CSMD3: variants seen among roughly 807,000 people sequenced by gnomAD.
The protein encoded by CSMD3 is CUB and Sushi multiple domains 3.
Under a neutral mutation model 435.2 loss-of-function variants are expected in CSMD3, and 177 were observed. That is an observed-to-expected ratio of 0.41 (90% CI 0.36 to 0.46). The LOEUF (loss-of-function observed/expected upper bound fraction) is 0.46, where lower values mean the gene tolerates loss of function less well. Ranked by LOEUF, CSMD3 falls within the 20% of genes least tolerant of loss-of-function variation. The pLI is 0.34. For missense variants in CSMD3, 4,265 were observed against 4,504.6 expected, an observed-to-expected ratio of 0.95 and a Z score of 1.52; for synonymous variants, 1,656 against 1,520.5, an observed-to-expected ratio of 1.09 and a Z score of -2.07.
chr8:112,437,246 T>C (rs1268031812), intron 32 of CSMD3, among the ~76,000 whole-genome samples: 1 of 140,414 alleles, frequency 7.1e-6, no homozygotes, highest in African/African-American at 2.8e-5. Flanking sequence ...GGTTTAATTA[T>C]TTCCAACATG....
At chr8:112,921,898 G>C in intron 9 of CSMD3, 147 bp from the exon 10 acceptor site, 1 of 673,776 alleles carries the variant, frequency 1.5e-6, no homozygotes, top group Non-Finnish European at 2.6e-6. Context: ...AGTATGACTT[G>C]TAGAAATGTA....
At chr8:112,230,512 G>T (rs1812986208) in intron 69 of CSMD3, among the ~76,000 whole-genome samples, 1 of 152,076 alleles carries the variant, frequency 6.6e-6, no homozygotes, top group African/African-American at 2.4e-5. Flanking sequence ...TTTTTGGCTG[G>T]GCATGGTGGC....
chr8:112,265,513 A>G lies in CSMD3; in HGVS notation c.9586T>C (p.Ser3196Pro). 2 of 1,613,642 alleles carry G rather than the reference A, an allele frequency of 1.2e-6. No homozygotes were observed. The highest frequency in any genetic ancestry group is 2.2e-5 in the South Asian group (2 of 91,074). Reference sequence around the variant, plus strand: ...GTGTAGCCTGGCTGGCACATGTAAGAAACATTTTGTCCAACCACATAATCA... The same window carrying G: ...GTGTAGCCTGGCTGGCACATGTAAGGAACATTTTGTCCAACCACATAATCA... Reference protein sequence around the residue: ...GDDYVVGQNVSYMCQPGYTME... With the variant: ...GDDYVVGQNVPYMCQPGYTME... The change falls in exon 60 of 71, where the codon TCT becomes CCT. Residue 3196 changes from serine (S) to proline (P), a missense_variant. Ser to Pro is a moderately conservative substitution (Grantham distance 74, BLOSUM62 -1). Coordinates refer to ENST00000297405, the MANE Select transcript of CSMD3 (RefSeq NM_198123.2).
At chr8:112,582,521 T>A (rs1830405651) in intron 23 of CSMD3, among the ~76,000 whole-genome samples, 1 of 151,830 alleles carries the variant, frequency 6.6e-6, no homozygotes, top group African/African-American at 2.4e-5. Flanking sequence ...GGAGAAAATG[T>A]CAGGCACAGT....
intron 4 of CSMD3, among the ~76,000 whole-genome samples, chr8:113,114,386 A>T (rs750930982): frequency 9.2e-5 from 14 of 152,176 alleles, no homozygotes; most frequent in Non-Finnish European, 1.3e-4. Context: ...AAGAGGGAAA[A>T]TTTACTGTTA....
At chr8:112,807,007 C>T (rs2079104398) in intron 12 of CSMD3, among the ~76,000 whole-genome samples, 1 of 152,186 alleles carries the variant, frequency 6.6e-6, no homozygotes, top group African/African-American at 2.4e-5. Context: ...GGCCAGACCA[C>T]CAGGTGGCCC....
At chr8:113,256,025 A>G (rs1343671325) in intron 3 of CSMD3, among the ~76,000 whole-genome samples, 1 of 152,096 alleles carries the variant, frequency 6.6e-6, no homozygotes, top group Non-Finnish European at 1.5e-5. Flanking sequence ...GTAAGTACAT[A>G]TATCAGAAGA....
chr8:112,632,085 C>A (rs1439989442), intron 22 of CSMD3, among the ~76,000 whole-genome samples: 2 of 151,856 alleles, frequency 1.3e-5, no homozygotes, highest in East Asian at 3.9e-4. Context: ...GAATTTGTTT[C>A]AAGAGAAATT....
At chr8:112,243,146 T>C (rs1814329225) in intron 65 of CSMD3, among the ~76,000 whole-genome samples, 1 of 151,688 alleles carries the variant, frequency 6.6e-6, no homozygotes, top group Non-Finnish European at 1.5e-5. Context: ...TGAAGAGGGG[T>C]AGATAGGAGG....
intron 22 of CSMD3, among the ~76,000 whole-genome samples, chr8:112,605,114 A>C (rs551119558): frequency 6.6e-6 from 1 of 152,340 alleles, no homozygotes. Context: ...AGCTATTAAT[A>C]AAAGTCAAAA....
At chr8:113,192,823 C>T (rs188757858) in intron 3 of CSMD3, among the ~76,000 whole-genome samples, 18 of 149,448 alleles carry the variant, frequency 1.2e-4, no homozygotes, top group Admixed American at 4.6e-4. Flanking sequence ...TCAAATTTTT[C>T]GATTCTGTTT....
chr8:112,956,004 A>G (rs1348444346), intron 7 of CSMD3, among the ~76,000 whole-genome samples: 1 of 151,928 alleles, frequency 6.6e-6, no homozygotes, highest in Admixed American at 6.6e-5. Flanking sequence ...TAGTAGAGAA[A>G]GGGCCTGATG....
At chr8:112,563,997 C>A (rs367779345) in intron 24 of CSMD3, among the ~76,000 whole-genome samples, 7 of 152,100 alleles carry the variant, frequency 4.6e-5, no homozygotes, top group African/African-American at 1.7e-4. Context: ...ACAGCTCACA[C>A]GAGTGTGAAA....
At chr8:113,394,632 C>G (rs2094475176) in intron 1 of CSMD3, among the ~76,000 whole-genome samples, 1 of 152,064 alleles carries the variant, frequency 6.6e-6, no homozygotes, top group Admixed American at 6.6e-5. Context: ...TAAGACAATT[C>G]TACAAAATAG....
chr8:112,697,732 A>T (rs902364481), intron 13 of CSMD3, among the ~76,000 whole-genome samples: 3 of 151,106 alleles, frequency 2.0e-5, no homozygotes, highest in Admixed American at 6.6e-5. Flanking sequence ...AAAGTATAAT[A>T]AAAAAAAATA....
At chr8:112,469,984 G>A (rs774385935) in intron 32 of CSMD3, among the ~76,000 whole-genome samples, 1 of 152,266 alleles carries the variant, frequency 6.6e-6, no homozygotes, top group African/African-American at 2.4e-5. Flanking sequence ...ATGGCAAAGT[G>A]AGAATGAGAG....
chr8:112,330,994 G>T (rs934997658), intron 45 of CSMD3, among the ~76,000 whole-genome samples: 1 of 151,844 alleles, frequency 6.6e-6, no homozygotes, highest in African/African-American at 2.4e-5. Context: ...AGGTTATCCG[G>T]TTTTTTACTC....
chr8:113,305,093 C>A (rs946884286), intron 2 of CSMD3, among the ~76,000 whole-genome samples: 27 of 136,446 alleles, frequency 2.0e-4, no homozygotes, highest in African/African-American at 6.7e-4. Flanking sequence ...TAGGTGGGAA[C>A]TGAACAGTGA....
intron 10 of CSMD3, among the ~76,000 whole-genome samples, chr8:112,910,039 C>T (rs185373285): frequency 6.6e-6 from 1 of 151,682 alleles, no homozygotes; most frequent in South Asian, 2.1e-4. Flanking sequence ...GGGAGAGACT[C>T]CCTAAGAAAA....
Sources: gnomAD v4.1 joint callset for allele counts (sites outside exome capture counted in the v4.1 genomes callset) on GRCh38, gnomAD v4.1.1 for gene constraint, MANE v1.5 for transcripts, NCBI Gene and HGNC (gene_info 2026-07-23, HGNC 2026-07-21) for gene names.